The following DCAF5 variants were observed in gnomAD, a reference collection of about 807,000 sequenced individuals.
DCAF5 encodes the protein DDB1 and CUL4 associated factor 5.
Under a neutral mutation model 80.7 loss-of-function variants are expected in DCAF5, and 9 were observed. That is an observed-to-expected ratio of 0.11 (90% confidence interval 0.07 to 0.19). The LOEUF (loss-of-function observed/expected upper bound fraction) is 0.19, where lower values mean the gene tolerates loss of function less well. DCAF5 is among the 10% of genes least tolerant of loss of function. DCAF5 has a pLI of 1.00. For missense variants in DCAF5, 842 were observed against 1,205.7 expected, an observed-to-expected ratio of 0.70 and a Z score of 4.47; for synonymous variants, 433 against 461.9, an observed-to-expected ratio of 0.94 and a Z score of 0.80.
Position 69,146,757 on chromosome 14 carries a change from G to T in DCAF5, c.214+6008C>A, listed in dbSNP as rs372428249. ...AACAGTATGCACTCAAAAACTATTT[G>T]TTGCACTAATAAATAGATCAAATAA... On this transcript the variant is annotated intron_variant, in intron 1 of 8. Transcript: ENST00000341516. Among the ~76,000 whole-genome samples the T allele has an allele frequency of 2.7e-4, 41 of 152,246 alleles. No individual in the cohort carries two copies. The Middle Eastern group carries it at 0.014, about 51-fold the overall frequency.
intron 5 of DCAF5, among the ~76,000 whole-genome samples, chr14:69,105,943 A>ATATATATATCTATCTATC (rs1223858774): frequency 2.7e-5 from 2 of 74,172 alleles, no homozygotes; most frequent in African/African-American, 7.6e-5. Flanking sequence ...ATATATATAT[A>ATATATATATCTATCTATC]TATCTCCTAT....
rs541683089 is a variant in DCAF5 at position 69,126,442 on chromosome 14, C to A, written c.215-4082G>T. Among the ~76,000 whole-genome samples, 193 of 152,288 alleles carry A rather than the reference C, an allele frequency of 1.3e-3. 1 individual carries two copies. The highest frequency in any genetic ancestry group is 4.4e-3 in the African/African-American group (184 of 41,562). ...AAAGTGCTGGCATTACAAGCTTGAG[C>A]CACCATGCCTGGTCAAGACTCAGTA... On this transcript the variant is annotated intron_variant, in intron 1 of 8. Coordinates refer to ENST00000341516, the MANE Select transcript of DCAF5 (RefSeq NM_003861.3).
chr14:69,084,339 G>A (rs1031208523), intron 6 of DCAF5: 1 of 952,154 alleles, frequency 1.1e-6, no homozygotes, highest in Non-Finnish European at 1.7e-6. Context: ...AATATCCCAG[G>A]GTTTATGTAT....
At chr14:69,116,653 C>T (rs548432143) in intron 4 of DCAF5, among the ~76,000 whole-genome samples, 158 bp from the exon 5 acceptor site, 100 of 152,328 alleles carry the variant, frequency 6.6e-4, no homozygotes, top group Non-Finnish European at 1.3e-3. Context: ...GTCACCTCTA[C>T]TTACAAGGTC....
At chr14:69,105,298 T>C (rs1362252786) in intron 5 of DCAF5, among the ~76,000 whole-genome samples, 1 of 152,214 alleles carries the variant, frequency 6.6e-6, no homozygotes, top group East Asian at 1.9e-4. Context: ...GTATAATGTA[T>C]ATATAATAGA....
chr14:69,152,320 TTCCTTAAC>T lies in DCAF5; in HGVS notation c.214+437_214+444del, dbSNP rs2041732309. The T allele has an allele frequency of 6.5e-6, 1 of 154,106 alleles. No individual in the cohort carries two copies. Among genetic ancestry groups the T allele is most frequent in the South Asian group, 1.9e-4 (1 of 5,404 alleles). 9.5% of individuals were successfully genotyped at this position (154,106 alleles called of 1,614,324 possible). ...CCGCTTCCCAGCCCCAAGACCCCTTTTCCTTAACGCCGGCGACGGGGGCTTCAGCTCCC... is the reference window on the plus strand; with the variant it reads ...CCGCTTCCCAGCCCCAAGACCCCTTTGCCGGCGACGGGGGCTTCAGCTCCC... On this transcript the variant is annotated intron_variant, in intron 1 of 8. Coordinates refer to ENST00000341516, the MANE Select transcript of DCAF5 (RefSeq NM_003861.3). This position sits in a 1 kb window ranked among gnomAD's most constrained non-coding sequence, Gnocchi z 4.1.
intron 8 of DCAF5, among the ~76,000 whole-genome samples, chr14:69,059,987 T>C (rs574605865): frequency 6.6e-6 from 1 of 152,246 alleles, no homozygotes; most frequent in Admixed American, 6.5e-5. Flanking sequence ...TTCAGTTGAC[T>C]AAACAATAAA....
At chr14:69,146,455 A>G (rs765158451) in intron 1 of DCAF5, among the ~76,000 whole-genome samples, 1 of 152,204 alleles carries the variant, frequency 6.6e-6, no homozygotes, top group Admixed American at 6.5e-5. Flanking sequence ...TTATGACATG[A>G]TCTTTATAAT....
Position 69,152,966 on chromosome 14 carries a change from C to G in DCAF5, c.13G>C (p.Ala5Pro). Residue 5 changes from alanine to proline, a missense_variant, in exon 1 of 9, where the codon GCT becomes CCT. Transcript: ENST00000341516. This position sits in a 1 kb window ranked among gnomAD's most constrained non-coding sequence, Gnocchi z 4.1. The stretch of plus-strand genomic sequence containing the variant: ...GACCTCATGCTGCCCCCCAGGCCAG[C>G]TCTCCTCTTCATGCTGGAACCGCCG... MKRRAGLGGSMRSVV... is the reference protein window; with the variant it reads MKRRPGLGGSMRSVV... The G allele has an allele frequency of 6.2e-7, 1 of 1,600,886 alleles. No homozygotes were observed. Among genetic ancestry groups the G allele is most frequent in the Non-Finnish European group, 8.5e-7 (1 of 1,175,146 alleles).
rs116575627 is a variant in DCAF5, at chr14:69,108,800, C to A, written c.665+7566G>T. ...GTAGCTTAATAACCAGAAGGCATGC[C>A]CCCGACTAAAGCTAATCATTGTGAC... On this transcript the variant is annotated intron_variant, in intron 5 of 8. Transcript: ENST00000341516. Among the ~76,000 whole-genome samples, 637 of 152,028 alleles carry A rather than the reference C, an allele frequency of 4.2e-3. 3 individuals are homozygous for A. The highest frequency in any genetic ancestry group is 0.015 in the African/African-American group (606 of 41,454).
At chr14:69,123,532 T>A (rs1324590259) in intron 1 of DCAF5, among the ~76,000 whole-genome samples, 1 of 152,226 alleles carries the variant, frequency 6.6e-6, no homozygotes, top group East Asian at 1.9e-4. Flanking sequence ...TATATATACA[T>A]GTAACTTACC....
At chr14:69,139,857 G>A (rs1195437631) in intron 1 of DCAF5, among the ~76,000 whole-genome samples, 1 of 149,056 alleles carries the variant, frequency 6.7e-6, no homozygotes, top group Non-Finnish European at 1.5e-5. Context: ...AAAGGAGAAG[G>A]AAGGAAGGGA....
intron 7 of DCAF5, among the ~76,000 whole-genome samples, chr14:69,072,324 G>C (rs528687529): frequency 2.6e-5 from 4 of 152,120 alleles, no homozygotes; most frequent in African/African-American, 9.6e-5. Flanking sequence ...AATATTATTT[G>C]ATTTAAAAAT....
intron 5 of DCAF5, among the ~76,000 whole-genome samples, chr14:69,096,276 G>A (rs1566749925): frequency 6.6e-6 from 1 of 152,196 alleles, no homozygotes; most frequent in Non-Finnish European, 1.5e-5. Context: ...TCCCAAGACT[G>A]AAACCTCCAG....
chr14:69,071,975 A>G (rs1336971221), intron 7 of DCAF5, among the ~76,000 whole-genome samples: 1 of 152,204 alleles, frequency 6.6e-6, no homozygotes, highest in African/African-American at 2.4e-5. Flanking sequence ...TTCCCCATAT[A>G]AGCAGAAGTC....
intron 4 of DCAF5, among the ~76,000 whole-genome samples, chr14:69,116,702 C>T (rs183247279): frequency 6.6e-6 from 1 of 151,532 alleles, no homozygotes; most frequent in Admixed American, 6.6e-5. Flanking sequence ...ACACATTTAA[C>T]CACATTTTAA....
intron 6 of DCAF5, chr14:69,089,862 G>T: frequency 2.3e-6 from 2 of 872,332 alleles, no homozygotes; most frequent in Non-Finnish European, 2.8e-6. Context: ...ATCTTATAAT[G>T]CATAGGACAG....
chr14:69,084,090 C>G, intron 6 of DCAF5: 1 of 793,582 alleles, frequency 1.3e-6, no homozygotes, highest in Non-Finnish European at 2.3e-6. Flanking sequence ...CATCCTGCAG[C>G]TGAACTCATT....
chr14:69,063,442 T>C (rs2038307637), intron 7 of DCAF5, among the ~76,000 whole-genome samples: 1 of 152,150 alleles, frequency 6.6e-6, no homozygotes, highest in Non-Finnish European at 1.5e-5. Flanking sequence ...CAGAGAAACA[T>C]GTGCATTTGG....
Sources: allele counts gnomAD v4.1 joint callset (sites outside exome capture counted in the v4.1 genomes callset), GRCh38; gene constraint gnomAD v4.1.1; non-coding constraint Gnocchi (gnomAD v3.1); transcripts MANE v1.5; gene names NCBI Gene and HGNC (gene_info 2026-07-23, HGNC 2026-07-21).